The following ETV6 variants were observed in gnomAD, a reference collection of about 807,000 sequenced individuals.
ETV6 encodes the protein transcription factor ETV6.
A neutral mutation model predicts 51.1 loss-of-function variants in ETV6; 16 were observed. That is an observed-to-expected ratio of 0.31 (90% confidence interval 0.21 to 0.48). ETV6 has a LOEUF of 0.48. Among genes scored for constraint, ETV6 ranks in the 20% least tolerant of loss-of-function variants. The pLI is 0.99. For missense variants in ETV6, 458 were observed against 594.8 expected, an observed-to-expected ratio of 0.77 and a Z score of 2.39; for synonymous variants, 240 against 224.1, an observed-to-expected ratio of 1.07 and a Z score of -0.64.
intron 5 of ETV6, among the ~76,000 whole-genome samples, chr12:11,874,788 C>A: frequency 6.8e-6 from 1 of 147,798 alleles, no homozygotes; most frequent in African/African-American, 2.5e-5. Flanking sequence ...ACTGAAATTC[C>A]ATCATACCAT....
rs765078205 is a variant in ETV6 at position 11,650,121 on chromosome 12, G to C, written c.-7G>C. On this transcript the variant is annotated 5_prime_UTR_variant, in exon 1 of 8. Transcript: ENST00000396373. ...TGAGAACTTCCTGATCTCTCTCGCT[G>C]TGAGACATGTCTGAGACTCCTGCTC... The C allele has an allele frequency of 1.2e-6, 2 of 1,613,640 alleles. No individual in the cohort carries two copies. The highest frequency in any genetic ancestry group is 1.7e-4 in the Middle Eastern group (1 of 6,054).
At chr12:11,767,896 A>AG (rs1216083155) in intron 2 of ETV6, among the ~76,000 whole-genome samples, 7 of 152,278 alleles carry the variant, frequency 4.6e-5, no homozygotes, top group East Asian at 1.9e-4. Context: ...ACTTGTTTTG[A>AG]GGGGGTCTCT....
chr12:11,716,213 C>T (rs1865273800), intron 1 of ETV6, among the ~76,000 whole-genome samples: 1 of 151,506 alleles, frequency 6.6e-6, no homozygotes, highest in South Asian at 2.1e-4. Flanking sequence ...CGCCTGTAGT[C>T]CCAGCTACTC....
chr12:11,805,363 G>T (rs149823575), intron 2 of ETV6, among the ~76,000 whole-genome samples: 36 of 152,262 alleles, frequency 2.4e-4, no homozygotes, highest in Middle Eastern at 3.4e-3. Flanking sequence ...CTCCCATTCT[G>T]TTGTCTTGTG....
intron 4 of ETV6, among the ~76,000 whole-genome samples, chr12:11,867,635 T>C (rs1946809325): frequency 2.0e-5 from 3 of 152,246 alleles, no homozygotes; most frequent in Admixed American, 2.0e-4. Context: ...AAAACCACTA[T>C]GTCTGTCTCT....
chr12:11,824,693 A>G (rs1192966458), intron 2 of ETV6, among the ~76,000 whole-genome samples: 1 of 152,054 alleles, frequency 6.6e-6, no homozygotes, highest in Non-Finnish European at 1.5e-5. Context: ...GCAGGATTGA[A>G]CCCTGGAGGC....
intron 1 of ETV6, among the ~76,000 whole-genome samples, chr12:11,696,661 C>A (rs1864884569): frequency 6.6e-6 from 1 of 151,960 alleles, no homozygotes; most frequent in South Asian, 2.1e-4. Flanking sequence ...ACTAAAGATA[C>A]AAAAATTAGC....
chr12:11,743,390 T>C (rs1034578661), intron 1 of ETV6, among the ~76,000 whole-genome samples: 2 of 152,198 alleles, frequency 1.3e-5, no homozygotes, highest in Non-Finnish European at 2.9e-5. Flanking sequence ...TTATGTGATA[T>C]ATGTAGAGCG....
At chr12:11,709,136 C>A (rs1176314608) in intron 1 of ETV6, among the ~76,000 whole-genome samples, 1 of 152,002 alleles carries the variant, frequency 6.6e-6, no homozygotes, top group Admixed American at 6.5e-5. Flanking sequence ...ATGTGAGTTA[C>A]AAAGCATGAT....
At position 11,891,285 on chromosome 12, in the gene ETV6, T is replaced by C. The variant is rs963957115; in HGVS notation, c.*239T>C. 2 of 450,520 alleles carry C rather than the reference T, an allele frequency of 4.4e-6. No homozygotes were observed. Among genetic ancestry groups the C allele is most frequent in the African/African-American group, 4.0e-5 (2 of 50,482 alleles). The allele number at this position is 450,520 out of a possible 1,614,324, so 27.9% of individuals were successfully genotyped here. A position where few individuals can be genotyped will look rare whatever the true frequency, so the allele number is the denominator to read the frequency against. On this transcript the variant is annotated 3_prime_UTR_variant, in exon 8 of 8. Coordinates refer to ENST00000396373, the MANE Select transcript of ETV6 (RefSeq NM_001987.5). Reference sequence around the variant, plus strand: ...ATGAGCCTGGGACTCCATGTCACGTTTCCTTCTGATTTGGAATCTCTCCAT... The same window carrying C: ...ATGAGCCTGGGACTCCATGTCACGTCTCCTTCTGATTTGGAATCTCTCCAT...
At chr12:11,837,972 G>A (rs1946339932) in intron 2 of ETV6, among the ~76,000 whole-genome samples, 1 of 152,116 alleles carries the variant, frequency 6.6e-6, no homozygotes, top group Non-Finnish European at 1.5e-5. Context: ...TATGAATTTA[G>A]CAAGTAAAAT....
At chr12:11,685,217 T>A (rs1365860170) in intron 1 of ETV6, among the ~76,000 whole-genome samples, 1 of 151,492 alleles carries the variant, frequency 6.6e-6, no homozygotes. Flanking sequence ...TCTTAACTTT[T>A]CAACAGGGTA....
intron 1 of ETV6, among the ~76,000 whole-genome samples, chr12:11,729,878 A>G (rs1865560854): frequency 6.6e-6 from 1 of 152,202 alleles, no homozygotes; most frequent in African/African-American, 2.4e-5. Context: ...TGCATGGGTT[A>G]AAGCAGGTAG....
At chr12:11,847,395 G>A (rs562432233) in intron 3 of ETV6, among the ~76,000 whole-genome samples, 3 of 152,300 alleles carry the variant, frequency 2.0e-5, no homozygotes, top group Admixed American at 6.5e-5. Context: ...GAAGTGCCAG[G>A]CTGGAGTAGA....
intron 7 of ETV6, among the ~76,000 whole-genome samples, chr12:11,888,776 C>T (rs1395454684): frequency 6.6e-6 from 1 of 152,156 alleles, no homozygotes; most frequent in East Asian, 1.9e-4. Context: ...GGTCATAGCT[C>T]ACTGAAGCCT....
intron 3 of ETV6, among the ~76,000 whole-genome samples, chr12:11,850,967 A>T (rs1407360195): frequency 6.6e-6 from 1 of 152,148 alleles, no homozygotes; most frequent in African/African-American, 2.4e-5. Flanking sequence ...GTGCTTCTTG[A>T]CCTTTCCCTC....
At chr12:11,880,838 G>A (rs770679846) in intron 5 of ETV6, among the ~76,000 whole-genome samples, 9 of 152,176 alleles carry the variant, frequency 5.9e-5, no homozygotes, top group Non-Finnish European at 1.3e-4. Context: ...ATCCAATGGC[G>A]TCGTCAGCCT....
At chr12:11,824,425 G>T (rs150368890) in intron 2 of ETV6, among the ~76,000 whole-genome samples, 17 of 152,206 alleles carry the variant, frequency 1.1e-4, no homozygotes, top group Non-Finnish European at 1.5e-4. Flanking sequence ...AACCAGCCAC[G>T]CTGATGGCCA....
Position 11,829,433 on chromosome 12 carries a change from G to C in ETV6, c.164-9707G>C, listed in dbSNP as rs1015985067. Among the ~76,000 whole-genome samples, 5 of 152,204 alleles carry C rather than the reference G, an allele frequency of 3.3e-5. No individual in the cohort carries two copies. In the South Asian group the frequency reaches 1.0e-3, roughly 31 times the overall value. ...CAGACGCGTAACTAACCCAGCGCTA[G>C]TAAGTGGTGCAGCCGGTGTTTTAAC... On this transcript the variant is annotated intron_variant, in intron 2 of 7. Coordinates refer to ENST00000396373, the MANE Select transcript of ETV6 (RefSeq NM_001987.5).
Sources: gnomAD v4.1 joint callset for allele counts (sites outside exome capture counted in the v4.1 genomes callset) on GRCh38, gnomAD v4.1.1 for gene constraint, MANE v1.5 for transcripts, NCBI Gene and HGNC (gene_info 2026-07-23, HGNC 2026-07-21) for gene names.